The following ZMIZ1 variants were observed in gnomAD, a reference collection of about 807,000 sequenced individuals.
ZMIZ1 encodes the protein zinc finger MIZ-type containing 1.
ZMIZ1 carries 17 observed loss-of-function variants against 113.9 expected under a neutral mutation model. The observed-to-expected ratio is 0.15, with a 90% CI of 0.10 to 0.22. The LOEUF (loss-of-function observed/expected upper bound fraction) is 0.22. Among genes scored for constraint, ZMIZ1 ranks in the 10% least tolerant of loss-of-function variants. The probability of loss-of-function intolerance (pLI) is 1.00; values close to 1 mark genes in which losing one functional copy is unlikely to be tolerated. For synonymous variants in ZMIZ1, 607 were observed against 603.1 expected, an observed-to-expected ratio of 1.01 and a Z score of -0.09; for missense variants, 1,059 against 1,477.8, an observed-to-expected ratio of 0.72 and a Z score of 4.65.
intron 1 of ZMIZ1, among the ~76,000 whole-genome samples, chr10:79,111,706 G>C (rs1438879770): frequency 6.6e-6 from 1 of 152,172 alleles, no homozygotes; most frequent in Non-Finnish European, 1.5e-5. Context: ...TCCCAAGCTT[G>C]CCCCTTCCCT....
At chr10:79,246,400 T>G (rs1245028416) in intron 7 of ZMIZ1, among the ~76,000 whole-genome samples, 1 of 152,172 alleles carries the variant, frequency 6.6e-6, no homozygotes, top group East Asian at 1.9e-4. Context: ...CTGGCAGAGC[T>G]GGAAGGAGCG....
At position 79,291,058 on chromosome 10, in the gene ZMIZ1, C is replaced by T; in HGVS notation, c.640C>T (p.Pro214Ser). 8 of 1,614,250 alleles carry T rather than the reference C, an allele frequency of 5.0e-6. 1 individual carries two copies. The highest frequency in any genetic ancestry group is 2.2e-5 in the South Asian group (2 of 91,088). The change falls in exon 10 of 25, where the codon CCA becomes TCA. Residue 214 changes from proline to serine, a missense_variant. Transcript: ENST00000334512. The stretch of plus-strand genomic sequence containing the variant: ...CACCAGCAACCCAGGCCTCAACTCC[C>T]CACAGTTTGCGGGGCAGCAGCAGCA... ...MTTSNPGLNS[P>S]QFAGQQQQFS...
At chr10:79,084,189 C>A (rs1307457989) in intron 1 of ZMIZ1, among the ~76,000 whole-genome samples, 4 of 152,234 alleles carry the variant, frequency 2.6e-5, no homozygotes, top group African/African-American at 9.6e-5. Context: ...TCAAAAGCTG[C>A]CATCTTTGAA....
chr10:79,284,338 G>T (rs1303826449), intron 8 of ZMIZ1, among the ~76,000 whole-genome samples: 1 of 152,214 alleles, frequency 6.6e-6, no homozygotes, highest in Admixed American at 6.5e-5. Flanking sequence ...CTTAAAGGGA[G>T]TATGCAGGCT....
chr10:79,222,037 G>A (rs142267434), intron 7 of ZMIZ1, among the ~76,000 whole-genome samples: 10 of 152,362 alleles, frequency 6.6e-5, no homozygotes, highest in African/African-American at 2.2e-4. Flanking sequence ...ACTCAGGAGA[G>A]TGGTGAGAAC....
chr10:79,272,413 G>A (rs567941103), intron 7 of ZMIZ1, among the ~76,000 whole-genome samples: 3 of 152,254 alleles, frequency 2.0e-5, no homozygotes, highest in Non-Finnish European at 4.4e-5. Context: ...ATGAGGTTTC[G>A]AATCGAATCC....
At chr10:79,309,534 T>C (rs1854973555) in intron 23 of ZMIZ1, among the ~76,000 whole-genome samples, 1 of 152,144 alleles carries the variant, frequency 6.6e-6, no homozygotes, top group South Asian at 2.1e-4. Flanking sequence ...GTCGTCTCAT[T>C]CTTGGGGCTT....
chr10:79,211,498 C>T (rs1044566906), intron 6 of ZMIZ1, among the ~76,000 whole-genome samples: 2 of 152,180 alleles, frequency 1.3e-5, no homozygotes, highest in Non-Finnish European at 2.9e-5. Context: ...CTGCAATCCC[C>T]GGGGTGACCT....
At chr10:79,172,192 C>T (rs370248076) in intron 4 of ZMIZ1, among the ~76,000 whole-genome samples, 1 of 152,052 alleles carries the variant, frequency 6.6e-6, no homozygotes, top group Admixed American at 6.6e-5. Flanking sequence ...CAGAGCCACA[C>T]GTCACCCTCC....
intron 7 of ZMIZ1, among the ~76,000 whole-genome samples, chr10:79,265,043 A>C (rs1450691045): frequency 1.3e-5 from 2 of 152,148 alleles, no homozygotes; most frequent in Non-Finnish European, 2.9e-5. Context: ...GGTTTGGGAA[A>C]CAGCACTGAC....
chr10:79,123,789 G>T (rs942694242), intron 2 of ZMIZ1, among the ~76,000 whole-genome samples: 1 of 152,230 alleles, frequency 6.6e-6, no homozygotes, highest in Non-Finnish European at 1.5e-5. Flanking sequence ...GACTTCCAGG[G>T]TTACATAGGC....
In ZMIZ1 at chr10:79,200,999, C is replaced by T. The variant is rs1345706252; in HGVS notation, c.-49-585C>T. On this transcript the variant is annotated intron_variant, in intron 4 of 24. Transcript: ENST00000334512. ...CACCCCCTCCACCACCCAAAACACA[C>T]ATGCGCATACAGAAATGTGTGCACC... Among the ~76,000 whole-genome samples, 4 of 152,224 alleles carry T rather than the reference C, an allele frequency of 2.6e-5. No homozygotes were observed. In the East Asian group the frequency reaches 7.7e-4, roughly 29 times the overall value.
chr10:79,083,791 C>A (rs4980027), intron 1 of ZMIZ1, among the ~76,000 whole-genome samples: 19,617 of 152,152 alleles, frequency 0.13, 1,403 homozygotes, highest in East Asian at 0.2. Flanking sequence ...AATGCCTGTC[C>A]ACCTCCGTGA....
At chr10:79,188,984 A>G (rs904092020) in intron 4 of ZMIZ1, among the ~76,000 whole-genome samples, 1 of 152,214 alleles carries the variant, frequency 6.6e-6, no homozygotes, top group Non-Finnish European at 1.5e-5. Context: ...AGATCTGGGC[A>G]GAGCCATCTG....
Position 79,109,083 on chromosome 10 carries a change from A to T in ZMIZ1, c.-336-9832A>T, listed in dbSNP as rs192560555. Among the ~76,000 whole-genome samples, 183 of 152,154 alleles carry T rather than the reference A, an allele frequency of 1.2e-3. 1 individual carries two copies. Among genetic ancestry groups the T allele is most frequent in the Non-Finnish European group, 2.3e-3 (158 of 67,964 alleles). Reference sequence around the variant, plus strand: ...AACACAGGTGTGCCCAGGTGCACACATGTGTGTGTCTGCCTGCACTCTGCA... The same window carrying T: ...AACACAGGTGTGCCCAGGTGCACACTTGTGTGTGTCTGCCTGCACTCTGCA... On this transcript the variant is annotated intron_variant, in intron 1 of 24. Coordinates refer to ENST00000334512, the MANE Select transcript of ZMIZ1 (RefSeq NM_020338.4).
chr10:79,208,040 G>T (rs1848394628), intron 5 of ZMIZ1, among the ~76,000 whole-genome samples: 1 of 150,552 alleles, frequency 6.6e-6, no homozygotes, highest in Non-Finnish European at 1.5e-5. Flanking sequence ...AATCCACTGG[G>T]GTGGGGATGG....
intron 7 of ZMIZ1, among the ~76,000 whole-genome samples, chr10:79,231,342 G>A (rs1382097870): frequency 6.6e-6 from 1 of 151,752 alleles, no homozygotes; most frequent in Non-Finnish European, 1.5e-5. Flanking sequence ...CTGCCTCCCA[G>A]GTTCAAGCGA....
intron 2 of ZMIZ1, among the ~76,000 whole-genome samples, chr10:79,130,209 TC>T: frequency 6.6e-6 from 1 of 152,112 alleles, no homozygotes. Flanking sequence ...CTCCCTGGCT[TC>T]CCCCATCACC....
chr10:79,109,935 C>T (rs1317216580), intron 1 of ZMIZ1, among the ~76,000 whole-genome samples: 2 of 152,240 alleles, frequency 1.3e-5, no homozygotes, highest in Non-Finnish European at 2.9e-5. Flanking sequence ...ATGACCCTCA[C>T]CAGTGGTCTC....
Sources: allele counts gnomAD v4.1 joint callset (sites outside exome capture counted in the v4.1 genomes callset), GRCh38; gene constraint gnomAD v4.1.1; transcripts MANE v1.5; gene names NCBI Gene and HGNC (gene_info 2026-07-23, HGNC 2026-07-21).